The following ACSF3 variants were observed in gnomAD, a reference collection of about 807,000 sequenced individuals.
ACSF3 encodes malonate--CoA ligase ACSF3, mitochondrial.
A neutral mutation model predicts 53.2 loss-of-function variants in ACSF3; 78 were observed. That is an observed-to-expected ratio of 1.47 (90% CI 1.22 to 1.77). The LOEUF (loss-of-function observed/expected upper bound fraction) is 1.77. Among genes scored for constraint, ACSF3 ranks in the 40% most tolerant of loss-of-function variants. The pLI is 0.00. For synonymous variants in ACSF3, 414 were observed against 333.1 expected (o/e 1.24, Z -2.65); for missense variants, 937 against 771.1 (o/e 1.22, Z -2.55).
At chr16:89,142,120 C>T (rs1185540061) in intron 8 of ACSF3, among the ~76,000 whole-genome samples, 8 of 152,184 alleles carry the variant, frequency 5.3e-5, no homozygotes, top group African/African-American at 1.2e-4. Context: ...GGAAACCGTG[C>T]GTGCAGCACA....
rs566446718 is a variant in ACSF3, at chr16:89,116,780, G to A, written c.1126+2293G>A. Among the ~76,000 whole-genome samples the A allele has an allele frequency of 3.5e-4, 53 of 152,298 alleles. 1 individual carries two copies. Among genetic ancestry groups the A allele is most frequent in the African/African-American group, 1.2e-3 (51 of 41,580 alleles). Reference sequence around the variant, plus strand: ...GTGCTGGTGGCCCCTGCCCTGGGCCGGCTCCCGCGTTAGTCTCAGACCCCA... The same window carrying A: ...GTGCTGGTGGCCCCTGCCCTGGGCCAGCTCCCGCGTTAGTCTCAGACCCCA... On this transcript the variant is annotated intron_variant, in intron 6 of 10. Coordinates refer to ENST00000614302, the MANE Select transcript of ACSF3 (RefSeq NM_001243279.3).
At chr16:89,141,828 C>T (rs553861737) in intron 8 of ACSF3, among the ~76,000 whole-genome samples, 41 of 152,296 alleles carry the variant, frequency 2.7e-4, no homozygotes, top group Middle Eastern at 3.4e-3. Context: ...GGGCCCTGCA[C>T]GCCACACACG....
At chr16:89,127,765 C>T (rs1908440517) in intron 7 of ACSF3, among the ~76,000 whole-genome samples, 1 of 152,224 alleles carries the variant, frequency 6.6e-6, no homozygotes, top group Non-Finnish European at 1.5e-5. Flanking sequence ...ATTTTTGGTA[C>T]ATATCATTTT....
chr16:89,106,069 C>T (rs936267565), intron 4 of ACSF3, among the ~76,000 whole-genome samples: 1 of 152,214 alleles, frequency 6.6e-6, no homozygotes, highest in African/African-American at 2.4e-5. Flanking sequence ...GGGTCCCTGC[C>T]TTGGGGTCTG....
chr16:89,102,602 A>G lies in ACSF3; in HGVS notation c.667-2A>G, dbSNP rs373322510. 7.4e-6 allele frequency: 12 copies of G among 1,613,520 alleles called. No homozygotes were observed. The African/African-American group carries it at 1.6e-4, about 22-fold the overall frequency. On this transcript the variant is annotated splice_acceptor_variant, in intron 3 of 10. Transcript: ENST00000614302. LOFTEE classifies it high-confidence loss of function. ...TCTCAGCTGTGCTCTCGTCCCCTGCAGGTGACCGGGCTGGTCCACAAGTGG... is the reference window on the plus strand; with the variant it reads ...TCTCAGCTGTGCTCTCGTCCCCTGCGGGTGACCGGGCTGGTCCACAAGTGG...
chr16:89,126,548 C>A (rs1435759325), intron 7 of ACSF3, among the ~76,000 whole-genome samples: 2 of 152,216 alleles, frequency 1.3e-5, no homozygotes, highest in African/African-American at 4.8e-5. Context: ...AGATTACAGG[C>A]ATGAGCCTCT....
At chr16:89,128,045 T>C (rs998835363) in intron 7 of ACSF3, among the ~76,000 whole-genome samples, 1 of 151,994 alleles carries the variant, frequency 6.6e-6, no homozygotes, top group African/African-American at 2.4e-5. Flanking sequence ...TTGATTTTTC[T>C]TTACTGTTTT....
At chr16:89,142,685 TCACCTGCAGAGATACAGGCA>T (rs973616509) in intron 8 of ACSF3, among the ~76,000 whole-genome samples, 70 of 131,178 alleles carry the variant, frequency 5.3e-4, no homozygotes, top group African/African-American at 2.0e-3. Flanking sequence ...AGAGACACCC[TCACCTGCAGAGATACAGGCA>T]CACCTGCAGA....
At chr16:89,129,261 A>G (rs1908801255) in intron 7 of ACSF3, among the ~76,000 whole-genome samples, 1 of 152,218 alleles carries the variant, frequency 6.6e-6, no homozygotes, top group South Asian at 2.1e-4. Flanking sequence ...TTTTCCAACT[A>G]TAACTGCCTG....
At chr16:89,123,394 C>G (rs1330777389) in intron 7 of ACSF3, among the ~76,000 whole-genome samples, 1 of 152,210 alleles carries the variant, frequency 6.6e-6, no homozygotes, top group Non-Finnish European at 1.5e-5. Context: ...GCACTTGGTA[C>G]TTTCATCTGA....
intron 6 of ACSF3, among the ~76,000 whole-genome samples, chr16:89,119,627 AC>A (rs1906119921): frequency 6.6e-6 from 1 of 152,026 alleles, no homozygotes; most frequent in African/African-American, 2.4e-5. Flanking sequence ...GCCCCGCCAC[AC>A]CCCCCATAGT....
intron 10 of ACSF3, chr16:89,150,565 A>C (rs1435618446): frequency 5.0e-6 from 1 of 198,840 alleles, no homozygotes; most frequent in Non-Finnish European, 1.0e-5. Flanking sequence ...CTCTCACATC[A>C]GGCTCCTCAC....
chr16:89,099,482 G>C (rs1227965064), intron 2 of ACSF3, among the ~76,000 whole-genome samples: 3 of 152,180 alleles, frequency 2.0e-5, no homozygotes, highest in African/African-American at 7.2e-5. Context: ...TGAATTGCCT[G>C]ATTTAAAGCT....
chr16:89,133,027 C>T lies in ACSF3; in HGVS notation c.1240-109C>T, dbSNP rs1233431916. On this transcript the variant is annotated intron_variant, in intron 7 of 10. Coordinates refer to ENST00000614302, the MANE Select transcript of ACSF3 (RefSeq NM_001243279.3). ...AAAGCGCTCAGTTTCAGAAAGCACGCGGCCCTGGGTGGGCCCTGGGTGGGC... is the reference window on the plus strand; with the variant it reads ...AAAGCGCTCAGTTTCAGAAAGCACGTGGCCCTGGGTGGGCCCTGGGTGGGC... The T allele has an allele frequency of 6.0e-6, 9 of 1,503,378 alleles. No homozygotes were observed. In the South Asian group the frequency reaches 6.8e-5, roughly 11 times the overall value. 93.1% of individuals were successfully genotyped at this position (1,503,378 alleles called of 1,614,324 possible). A position where few individuals can be genotyped will look rare whatever the true frequency, so the allele number is the denominator to read the frequency against.
At chr16:89,105,034 C>A (rs12446096) in intron 4 of ACSF3, among the ~76,000 whole-genome samples, 1 of 30,490 alleles carries the variant, frequency 3.3e-5, no homozygotes, top group East Asian at 4.7e-4. Context: ...ACAGAGCCTC[C>A]CTGAGGGCCC....
At chr16:89,131,127 C>CTTTTTTT (rs558773398) in intron 7 of ACSF3, among the ~76,000 whole-genome samples, 1,661 of 69,712 alleles carry the variant, frequency 0.024, 26 homozygotes, top group Non-Finnish European at 0.034. Flanking sequence ...TTTTCTTTTT[C>CTTTTTTT]TTTTTTTTTT....
At chr16:89,109,351 A>G (rs1268235911) in intron 4 of ACSF3, among the ~76,000 whole-genome samples, 1 of 150,576 alleles carries the variant, frequency 6.6e-6, no homozygotes, top group African/African-American at 2.4e-5. Flanking sequence ...CGTCCTGCCA[A>G]CACTTGTCAC....
intron 7 of ACSF3, among the ~76,000 whole-genome samples, chr16:89,125,258 A>G (rs146304515): frequency 8.6e-4 from 130 of 150,920 alleles, no homozygotes; most frequent in African/African-American, 3.1e-3. Context: ...CAAGAGAATC[A>G]CTTGAAACCA....
chr16:89,140,324 C>A (rs977321775), intron 8 of ACSF3, among the ~76,000 whole-genome samples: 4 of 152,218 alleles, frequency 2.6e-5, no homozygotes, highest in African/African-American at 9.6e-5. Flanking sequence ...TTCCAGCTGC[C>A]TCTGTACACA....
Sources: gnomAD v4.1 joint callset for allele counts (sites outside exome capture counted in the v4.1 genomes callset) on GRCh38, gnomAD v4.1.1 for gene constraint, MANE v1.5 for transcripts, NCBI Gene and HGNC (gene_info 2026-07-23, HGNC 2026-07-21) for gene names.